The following GFPT1 variants were observed in gnomAD, a reference collection of about 807,000 sequenced individuals.
The protein encoded by GFPT1 is glutamine--fructose-6-phosphate aminotransferase [isomerizing] 1.
In GFPT1, 40 loss-of-function variants were observed where a neutral mutation model predicts 92.0. The observed-to-expected ratio is 0.43, with a 90% CI of 0.34 to 0.57. GFPT1 has a LOEUF of 0.57. Among genes scored for constraint, GFPT1 ranks in the 20% least tolerant of loss-of-function variants. The pLI is 0.02. For missense variants in GFPT1, 448 were observed against 869.1 expected (o/e 0.52, Z 6.09); for synonymous variants, 269 against 280.6 (o/e 0.96, Z 0.41).
chr2:69,354,393 TATATAC>T, intron 8 of GFPT1, 81 bp from the exon 9 acceptor site: 1 of 1,309,428 alleles, frequency 7.6e-7, no homozygotes, highest in East Asian at 2.3e-5. Context: ...GACAGAACTA[TATATAC>T]ATGTGCATCT....
intron 1 of GFPT1, among the ~76,000 whole-genome samples, chr2:69,375,342 C>A (rs941563474): frequency 3.3e-5 from 5 of 152,182 alleles, no homozygotes; most frequent in African/African-American, 1.2e-4. Flanking sequence ...TCCCAAAAAA[C>A]TAGTCTTCAT....
intron 17 of GFPT1, 42 bp from the exon 18 acceptor site, chr2:69,328,480 A>G (rs774862064): frequency 6.3e-6 from 9 of 1,429,110 alleles, no homozygotes; most frequent in Non-Finnish European, 7.9e-6. Context: ...CCACTTTTCA[A>G]AAATCCATGT....
intron 12 of GFPT1, among the ~76,000 whole-genome samples, chr2:69,344,186 C>CAAAAAAAAAAAAAAAAAAAAAAACAAAA (rs10602884): frequency 1.5e-5 from 1 of 64,520 alleles, no homozygotes; most frequent in Non-Finnish European, 2.8e-5. Flanking sequence ...AAAAGCAAAG[C>CAAAAAAAAAAAAAAAAAAAAAAACAAAA]AAAAAAAAAA....
At chr2:69,381,925 G>A (rs573602500) in intron 1 of GFPT1, among the ~76,000 whole-genome samples, 18 of 150,552 alleles carry the variant, frequency 1.2e-4, no homozygotes, top group Middle Eastern at 3.4e-3. Flanking sequence ...GTACAGTGGC[G>A]TGTTCTCAGC....
chr2:69,358,582 C>T, intron 5 of GFPT1, 119 bp from the exon 6 acceptor site: 1 of 731,144 alleles, frequency 1.4e-6, no homozygotes, highest in Non-Finnish European at 2.3e-6. Context: ...AACACCATAT[C>T]CCATTATTCA....
At chr2:69,346,069 G>A in intron 11 of GFPT1, 70 bp from the exon 12 acceptor site, 1 of 882,324 alleles carries the variant, frequency 1.1e-6, no homozygotes, top group Non-Finnish European at 1.9e-6. Context: ...ACAACTAAAA[G>A]TTTCCTTTAA....
chr2:69,386,179 G>C (rs1672123865), intron 1 of GFPT1, among the ~76,000 whole-genome samples: 1 of 152,018 alleles, frequency 6.6e-6, no homozygotes, highest in Non-Finnish European at 1.5e-5. Context: ...GATTCTCAAA[G>C]TCTCTTTCAC....
chr2:69,321,476 G>A lies in GFPT1; in HGVS notation c.*4713C>T, dbSNP rs954532690. The A allele has an allele frequency of 2.0e-5, 3 of 152,216 alleles. No homozygotes were observed. Among genetic ancestry groups the A allele is most frequent in the African/African-American group, 4.8e-5 (2 of 41,456 alleles). 9.4% of individuals were successfully genotyped at this position (152,216 alleles called of 1,614,324 possible). A position where few individuals can be genotyped will look rare whatever the true frequency, so the allele number is the denominator to read the frequency against. ...TACAATTTCTAACATAACTACAAAT[G>A]TGTATACACTTCAAATATTAGCAAA... On this transcript the variant is annotated 3_prime_UTR_variant, in exon 20 of 20. Transcript: ENST00000357308.
At chr2:69,385,942 CT>C in intron 1 of GFPT1, among the ~76,000 whole-genome samples, 1 of 151,526 alleles carries the variant, frequency 6.6e-6, no homozygotes, top group East Asian at 1.9e-4. Flanking sequence ...TACAATCCAC[CT>C]CCTGTTCAGT....
chr2:69,326,585 A>C (rs1670537504), intron 19 of GFPT1, among the ~76,000 whole-genome samples: 1 of 152,210 alleles, frequency 6.6e-6, no homozygotes, highest in Non-Finnish European at 1.5e-5. Context: ...AAAGTCTTCA[A>C]TGTGTGGGAC....
intron 2 of GFPT1, among the ~76,000 whole-genome samples, chr2:69,371,778 A>C (rs1165115727): frequency 6.6e-6 from 1 of 152,008 alleles, no homozygotes. Flanking sequence ...TGGAGCTTGC[A>C]GTGAGCTGAG....
chr2:69,371,310 C>G (rs1018310531), intron 2 of GFPT1: 2 of 150,518 alleles, frequency 1.3e-5, no homozygotes, highest in Non-Finnish European at 3.0e-5. Flanking sequence ...AACTCCTTAC[C>G]TCAAGTGATC....
chr2:69,358,244 C>T, intron 6 of GFPT1, 85 bp downstream of exon 6: 1 of 1,151,126 alleles, frequency 8.7e-7, no homozygotes, highest in Admixed American at 1.8e-5. Flanking sequence ...AAAAATAGCA[C>T]AGTTCCTGCT....
intron 1 of GFPT1, among the ~76,000 whole-genome samples, chr2:69,382,506 T>A (rs891459514): frequency 6.6e-6 from 1 of 152,178 alleles, no homozygotes; most frequent in Non-Finnish European, 1.5e-5. Context: ...ACATATGCAA[T>A]TTCTCTAATA....
chr2:69,354,314 T>TA lies in GFPT1; in HGVS notation c.686-3dup, dbSNP rs772941684. 6 of 1,589,568 alleles carry TA rather than the reference T, an allele frequency of 3.8e-6. No homozygotes were observed. In the East Asian group the frequency reaches 1.3e-4, roughly 36 times the overall value. Reference sequence around the variant, plus strand: ...ATTTTGATCCAATCTGAGTCCTAGCTAAGGATACACAACAGAAAAAAATTC... The same window carrying TA: ...ATTTTGATCCAATCTGAGTCCTAGCTAAAGGATACACAACAGAAAAAAATTC... On this transcript the variant is annotated splice_region_variant and splice_polypyrimidine_tract_variant and intron_variant, in intron 8 of 19. Coordinates refer to ENST00000357308, the MANE Select transcript of GFPT1 (RefSeq NM_001244710.2).
At chr2:69,337,821 C>T (rs1670838092) in intron 15 of GFPT1, 77 bp downstream of exon 15, 1 of 1,150,392 alleles carries the variant, frequency 8.7e-7, no homozygotes, top group African/African-American at 1.5e-5. Flanking sequence ...AAATAAGATA[C>T]AGACTAGTCT....
rs192100955 is a variant in GFPT1, at chr2:69,332,364, T to C, written c.1483-2566A>G. Among the ~76,000 whole-genome samples, 33 of 151,120 alleles carry C rather than the reference T, an allele frequency of 2.2e-4. No homozygotes were observed. In the East Asian group the frequency reaches 5.4e-3, roughly 25 times the overall value. ...TTTTGCTCTTGTTGCCCAGGCTGGA[T>C]TGCAATGGCATGATCTTGGCTCACT... On this transcript the variant is annotated intron_variant, in intron 15 of 19. Transcript: ENST00000357308.
intron 1 of GFPT1, among the ~76,000 whole-genome samples, chr2:69,378,040 G>A (rs760377899): frequency 3.9e-5 from 6 of 152,112 alleles, no homozygotes; most frequent in Admixed American, 1.3e-4. Context: ...TTTTGAAACA[G>A]AGTCTCGCTT....
chr2:69,369,836 T>G (rs1466561935), intron 3 of GFPT1, among the ~76,000 whole-genome samples, 165 bp downstream of exon 3: 1 of 152,170 alleles, frequency 6.6e-6, no homozygotes, highest in East Asian at 1.9e-4. Context: ...TTAAAACTAG[T>G]CCAGACAGTA....
Sources: gnomAD v4.1 joint callset for allele counts (sites outside exome capture counted in the v4.1 genomes callset) on GRCh38, gnomAD v4.1.1 for gene constraint, MANE v1.5 for transcripts, NCBI Gene and HGNC (gene_info 2026-07-23, HGNC 2026-07-21) for gene names.